SNX24: variants seen among roughly 807,000 people sequenced by gnomAD.
The protein encoded by SNX24 is sorting nexin-24.
A neutral mutation model predicts 28.7 loss-of-function variants in SNX24; 22 were observed. The ratio of observed to expected loss-of-function variants is 0.77; its 90% CI spans 0.55 to 1.10. The LOEUF is 1.10. Ranked by LOEUF, SNX24 falls within the 50% of genes least tolerant of loss-of-function variation. SNX24 has a pLI of 0.00. For missense variants in SNX24, 221 were observed against 201.1 expected (o/e 1.10, Z -0.60); for synonymous variants, 69 against 71.5 (o/e 0.96, Z 0.18).
chr5:122,916,101 T>TA (rs1276957766), intron 1 of SNX24, among the ~76,000 whole-genome samples: 1 of 152,240 alleles, frequency 6.6e-6, no homozygotes, highest in Non-Finnish European at 1.5e-5. Context: ...TTTCACTGAA[T>TA]AAATAAAGTA....
At chr5:122,915,841 T>G (rs1758135678) in intron 1 of SNX24, among the ~76,000 whole-genome samples, 1 of 152,186 alleles carries the variant, frequency 6.6e-6, no homozygotes, top group Non-Finnish European at 1.5e-5. Flanking sequence ...CCTCAGGTAA[T>G]CTGTTTCTTT....
intron 3 of SNX24, among the ~76,000 whole-genome samples, chr5:122,968,156 C>T (rs968398872): frequency 2.6e-5 from 4 of 152,152 alleles, no homozygotes; most frequent in Non-Finnish European, 4.4e-5. Context: ...GAGTTCAAAA[C>T]CAACATGGTG....
chr5:122,881,787 T>G lies in SNX24; in HGVS notation c.60+36094T>G, dbSNP rs535483258. On this transcript the variant is annotated intron_variant, in intron 1 of 6. Coordinates refer to ENST00000261369, the MANE Select transcript of SNX24 (RefSeq NM_014035.4). ...TAAAATTATGATAAATATAAGTATC[T>G]TTATCTATACTTCTATCTGTATACA... 2.1e-3 allele frequency among the ~76,000 whole-genome samples: 310 copies of G among 150,374 alleles called. 1 individual carries two copies. Among genetic ancestry groups the G allele is most frequent in the African/African-American group, 7.0e-3 (290 of 41,226 alleles).
chr5:122,883,058 AGTGGATGAATCAGC>A (rs1247889200), intron 1 of SNX24, among the ~76,000 whole-genome samples: 1 of 152,206 alleles, frequency 6.6e-6, no homozygotes, highest in Non-Finnish European at 1.5e-5. Context: ...GCAGTGAGCC[AGTGGATGAATCAGC>A]GTGGCTAGGG....
At chr5:123,015,797 C>G (rs949648381) in intron 5 of SNX24, among the ~76,000 whole-genome samples, 1 of 152,000 alleles carries the variant, frequency 6.6e-6, no homozygotes, top group Admixed American at 6.6e-5. Flanking sequence ...CTAGAAGGAG[C>G]GGGCACAAAA....
chr5:122,976,848 G>A (rs34486978), intron 3 of SNX24, among the ~76,000 whole-genome samples: 29,547 of 152,206 alleles, frequency 0.19, 3,651 homozygotes, highest in Non-Finnish European at 0.29. Context: ...ATATGTCTAT[G>A]ATTGCTTGTG....
chr5:122,976,547 T>C (rs371812586), intron 3 of SNX24, among the ~76,000 whole-genome samples: 3 of 152,244 alleles, frequency 2.0e-5, no homozygotes, highest in Non-Finnish European at 4.4e-5. Flanking sequence ...TTATTTTTCA[T>C]TGGCACACAA....
At chr5:122,972,279 A>G (rs1398755209) in intron 3 of SNX24, among the ~76,000 whole-genome samples, 1 of 152,150 alleles carries the variant, frequency 6.6e-6, no homozygotes, top group Admixed American at 6.5e-5. Flanking sequence ...ATGTCGAGGG[A>G]ACAGAAAGCA....
chr5:122,999,369 T>G (rs1480247121), intron 3 of SNX24, among the ~76,000 whole-genome samples: 3 of 151,964 alleles, frequency 2.0e-5, no homozygotes, highest in African/African-American at 7.2e-5. Flanking sequence ...CCAAAACAGG[T>G]GATAGTTGAG....
At chr5:122,985,524 G>A (rs1250719428) in intron 3 of SNX24, among the ~76,000 whole-genome samples, 1 of 152,222 alleles carries the variant, frequency 6.6e-6, no homozygotes, top group Non-Finnish European at 1.5e-5. Flanking sequence ...AAAGGTAGTT[G>A]AGAGGATTAA....
intron 3 of SNX24, among the ~76,000 whole-genome samples, chr5:122,974,279 A>G (rs1185715962): frequency 6.6e-6 from 1 of 152,200 alleles, no homozygotes; most frequent in African/African-American, 2.4e-5. Context: ...TCTCACCAAT[A>G]AGTCCAGTGT....
chr5:122,997,421 G>C (rs964807070), intron 3 of SNX24, among the ~76,000 whole-genome samples: 1 of 152,210 alleles, frequency 6.6e-6, no homozygotes. Flanking sequence ...GTAAAGCAAT[G>C]TGATCATCTG....
chr5:122,994,121 T>C (rs1761965978), intron 3 of SNX24, among the ~76,000 whole-genome samples: 1 of 152,196 alleles, frequency 6.6e-6, no homozygotes, highest in Admixed American at 6.5e-5. Context: ...AACACAGCCC[T>C]GTGCTATGAT....
intron 3 of SNX24, chr5:122,982,949 A>G (rs1761453145): frequency 6.6e-6 from 1 of 152,136 alleles, no homozygotes; most frequent in African/African-American, 2.4e-5. Flanking sequence ...TTTGAATAGT[A>G]TTAATAGTAT....
chr5:123,010,595 T>G (rs889931556), downstream of SNX24, among the ~76,000 whole-genome samples: 1 of 152,136 alleles, frequency 6.6e-6, no homozygotes, highest in African/African-American at 2.4e-5. Flanking sequence ...CCAGAACATA[T>G]TTCCATCATT....
At chr5:122,948,132 CT>C (rs1759771128) in intron 3 of SNX24, among the ~76,000 whole-genome samples, 2 of 152,150 alleles carry the variant, frequency 1.3e-5, no homozygotes, top group Non-Finnish European at 2.9e-5. Context: ...TTCTTTTCCG[CT>C]TGATTCTATT....
At chr5:122,872,589 C>T (rs1316072809) in intron 1 of SNX24, among the ~76,000 whole-genome samples, 1 of 152,130 alleles carries the variant, frequency 6.6e-6, no homozygotes, top group Non-Finnish European at 1.5e-5. Flanking sequence ...AAACTATGCA[C>T]ATTCTCCTGT....
At chr5:122,886,987 A>G (rs550395958) in intron 1 of SNX24, among the ~76,000 whole-genome samples, 1 of 152,288 alleles carries the variant, frequency 6.6e-6, no homozygotes, top group South Asian at 2.1e-4. Context: ...AGTTATTTTA[A>G]CAAATAATTT....
At chr5:122,942,938 G>A (rs1054885576) in intron 2 of SNX24, among the ~76,000 whole-genome samples, 3 of 152,118 alleles carry the variant, frequency 2.0e-5, no homozygotes, top group African/African-American at 7.2e-5. Context: ...TCAGTTGCTA[G>A]ATCTTCTAAA....
Sources: gnomAD v4.1 joint callset for allele counts (sites outside exome capture counted in the v4.1 genomes callset) on GRCh38, gnomAD v4.1.1 for gene constraint, MANE v1.5 for transcripts, NCBI Gene and HGNC (gene_info 2026-07-23, HGNC 2026-07-21) for gene names.